GALNTL6: variants seen among roughly 807,000 people sequenced by gnomAD.
GALNTL6 encodes the protein polypeptide N-acetylgalactosaminyltransferase like 6.
A neutral mutation model predicts 73.7 loss-of-function variants in GALNTL6; 46 were observed. The observed-to-expected ratio is 0.62, with a 90% CI of 0.49 to 0.80. The LOEUF (loss-of-function observed/expected upper bound fraction) is 0.80. Among genes scored for constraint, GALNTL6 ranks in the 30% least tolerant of loss-of-function variants. GALNTL6 has a pLI of 0.00. For synonymous variants in GALNTL6, 259 were observed against 263.7 expected (o/e 0.98, Z 0.17); for missense variants, 604 against 755.0 (o/e 0.80, Z 2.34).
intron 5 of GALNTL6, among the ~76,000 whole-genome samples, chr4:172,725,711 G>A (rs1735756871): frequency 6.6e-6 from 1 of 152,136 alleles, no homozygotes; most frequent in African/African-American, 2.4e-5. Flanking sequence ...AAAGAGGTCT[G>A]GATTTGGTTA....
Position 172,348,515 on chromosome 4 carries a change from A to G in GALNTL6, c.387-8A>G, listed in dbSNP as rs1264217692. Reference sequence around the variant, plus strand: ...TTGACACACCATTTTCTTTTCCCTCATCTCCAGCTGTAAGCATAAGATGTA... The same window carrying G: ...TTGACACACCATTTTCTTTTCCCTCGTCTCCAGCTGTAAGCATAAGATGTA... On this transcript the variant is annotated splice_polypyrimidine_tract_variant and splice_region_variant and intron_variant, in intron 4 of 12. Transcript: ENST00000506823. The G allele has an allele frequency of 1.2e-6, 2 of 1,606,342 alleles. No individual in the cohort carries two copies. Among genetic ancestry groups the G allele is most frequent in the Admixed American group, 1.7e-5 (1 of 59,038 alleles).
intron 5 of GALNTL6, among the ~76,000 whole-genome samples, chr4:172,432,571 G>A (rs984423919): frequency 1.1e-4 from 16 of 151,854 alleles, no homozygotes; most frequent in African/African-American, 3.9e-4. Flanking sequence ...ACTGCAAATG[G>A]ACATGACAAA....
chr4:172,239,483 T>A (rs543345398), intron 3 of GALNTL6, among the ~76,000 whole-genome samples: 1 of 152,304 alleles, frequency 6.6e-6, no homozygotes, highest in South Asian at 2.1e-4. Flanking sequence ...ATTCTCTTTT[T>A]TTCTTTATTG....
intron 3 of GALNTL6, among the ~76,000 whole-genome samples, chr4:172,286,167 T>G (rs1032399429): frequency 6.6e-6 from 1 of 152,228 alleles, no homozygotes; most frequent in Non-Finnish European, 1.5e-5. Context: ...GTTTTCATTT[T>G]CTTGCTAGTT....
intron 2 of GALNTL6, among the ~76,000 whole-genome samples, chr4:172,214,339 A>C (rs1736424457): frequency 6.6e-6 from 1 of 152,034 alleles, no homozygotes; most frequent in Non-Finnish European, 1.5e-5. Flanking sequence ...ATAGCTTGTC[A>C]GGATTTTAGG....
At chr4:172,779,476 C>T (rs550563979) in intron 5 of GALNTL6, among the ~76,000 whole-genome samples, 1 of 152,260 alleles carries the variant, frequency 6.6e-6, no homozygotes, top group African/African-American at 2.4e-5. Context: ...GAGCTTCTAG[C>T]CATGTCAAGG....
intron 5 of GALNTL6, among the ~76,000 whole-genome samples, chr4:172,574,724 C>T (rs970495466): frequency 5.9e-5 from 9 of 151,938 alleles, no homozygotes; most frequent in African/African-American, 1.7e-4. Context: ...TATCTAACCA[C>T]AACAATGAAA....
At chr4:172,670,173 A>G (rs1731895631) in intron 5 of GALNTL6, among the ~76,000 whole-genome samples, 1 of 152,002 alleles carries the variant, frequency 6.6e-6, no homozygotes, top group Non-Finnish European at 1.5e-5. Context: ...TATTCCAGTA[A>G]TGGGATTGCT....
chr4:172,519,626 A>C (rs1248094103), intron 5 of GALNTL6, among the ~76,000 whole-genome samples: 1 of 150,786 alleles, frequency 6.6e-6, no homozygotes, highest in African/African-American at 2.4e-5. Flanking sequence ...CTTGCTCTAC[A>C]TTTTACTTAA....
At chr4:172,554,586 C>T (rs1020730254) in intron 5 of GALNTL6, among the ~76,000 whole-genome samples, 4 of 152,118 alleles carry the variant, frequency 2.6e-5, no homozygotes, top group Non-Finnish European at 5.9e-5. Flanking sequence ...CTTTCTCCTC[C>T]CCACTAGAAA....
chr4:172,477,886 GA>G (rs965640059), intron 5 of GALNTL6, among the ~76,000 whole-genome samples: 1 of 151,498 alleles, frequency 6.6e-6, no homozygotes, highest in Non-Finnish European at 1.5e-5. Flanking sequence ...ATATGCAGTA[GA>G]AAAAAAACAG....
At chr4:172,201,613 GTTTAAT>G (rs1346882529) in intron 2 of GALNTL6, among the ~76,000 whole-genome samples, 7 of 151,892 alleles carry the variant, frequency 4.6e-5, no homozygotes, top group African/African-American at 1.2e-4. Flanking sequence ...CAGATAAACT[GTTTAAT>G]TTTAAGATTT....
At chr4:172,882,590 A>T (rs1745513629) in intron 7 of GALNTL6, among the ~76,000 whole-genome samples, 200 bp from the exon 8 acceptor site, 1 of 152,220 alleles carries the variant, frequency 6.6e-6, no homozygotes, top group African/African-American at 2.4e-5. Flanking sequence ...TGCTCACAAG[A>T]ATTTTTCTCC....
chr4:172,193,860 CA>C (rs1182373398), intron 2 of GALNTL6, among the ~76,000 whole-genome samples: 4 of 151,568 alleles, frequency 2.6e-5, no homozygotes, highest in South Asian at 2.1e-4. Context: ...AACTCCATCT[CA>C]AAAAAAGAAA....
rs574393110 is a variant in GALNTL6, at chr4:172,919,556, T to C, written c.1042-11605T>C. 1.2e-4 allele frequency among the ~76,000 whole-genome samples: 19 copies of C among 152,334 alleles called. No homozygotes were observed. In the South Asian group the frequency reaches 3.5e-3, roughly 28 times the overall value. On this transcript the variant is annotated intron_variant, in intron 8 of 12. Transcript: ENST00000506823. ...CCAAGTGAGCGGCAAAGGAAAAGCC[T>C]ATTTGAATATTTTTGTAAAAGAAGG... is the stretch of plus-strand genomic sequence containing the variant.
At chr4:172,272,406 G>T (rs868177763) in intron 3 of GALNTL6, among the ~76,000 whole-genome samples, 1 of 152,162 alleles carries the variant, frequency 6.6e-6, no homozygotes, top group African/African-American at 2.4e-5. Context: ...ATGGTATAGC[G>T]CACTACACAC....
At chr4:172,684,876 A>T (rs911854569) in intron 5 of GALNTL6, among the ~76,000 whole-genome samples, 3 of 151,952 alleles carry the variant, frequency 2.0e-5, no homozygotes, top group Non-Finnish European at 4.4e-5. Context: ...TCTCAACCCT[A>T]CCCATTTTTT....
intron 5 of GALNTL6, among the ~76,000 whole-genome samples, chr4:172,752,662 G>T (rs896113246): frequency 1.3e-5 from 2 of 151,934 alleles, no homozygotes; most frequent in African/African-American, 4.8e-5. Flanking sequence ...TTGAAAAATA[G>T]TCCCAGAAGT....
At chr4:172,413,440 T>A (rs1744515306) in intron 5 of GALNTL6, among the ~76,000 whole-genome samples, 1 of 152,196 alleles carries the variant, frequency 6.6e-6, no homozygotes, top group Non-Finnish European at 1.5e-5. Flanking sequence ...AAGCAATTGT[T>A]CATAAGCATA....
Sources: gnomAD v4.1 joint callset for allele counts (sites outside exome capture counted in the v4.1 genomes callset) on GRCh38, gnomAD v4.1.1 for gene constraint, MANE v1.5 for transcripts, NCBI Gene and HGNC (gene_info 2026-07-23, HGNC 2026-07-21) for gene names.